NSMAF: variants seen among roughly 807,000 people sequenced by gnomAD.
The protein encoded by NSMAF is protein FAN.
A neutral mutation model predicts 134.9 loss-of-function variants in NSMAF; 90 were observed. The observed-to-expected ratio is 0.67, with a 90% CI of 0.56 to 0.79. The LOEUF is 0.79. Ranked by LOEUF, NSMAF falls within the 30% of genes least tolerant of loss-of-function variation. NSMAF has a pLI of 0.00. For synonymous variants in NSMAF, 358 were observed against 389.6 expected (o/e 0.92, Z 0.96); for missense variants, 1,010 against 1,119.0 (o/e 0.90, Z 1.39).
Position 58,585,698 on chromosome 8 carries a change from C to T in NSMAF, c.2613G>A (p.Trp871Ter), listed in dbSNP as rs1805865535. The change falls in exon 30 of 31, where the codon TGG becomes TGA. Residue 871 changes from tryptophan (W) to a stop codon, truncating the protein, a stop_gained. Transcript: ENST00000038176. LOFTEE classifies it high-confidence loss of function. ...SGSQSGELLVWDLLGAKISER... is the reference protein window; with the variant it reads ...SGSQSGELLV ...CACTGATTTTTGCTCCAAGGAGGTC[C>T]CAAACGAGCAGTTCACCAGACTGAC... The T allele has an allele frequency of 2.5e-6, 4 of 1,613,962 alleles. No homozygotes were observed. The highest frequency in any genetic ancestry group is 3.4e-6 in the Non-Finnish European group (4 of 1,179,980).
chr8:58,628,995 G>A (rs535531462), intron 6 of NSMAF, among the ~76,000 whole-genome samples: 7 of 152,234 alleles, frequency 4.6e-5, no homozygotes, highest in African/African-American at 1.7e-4. Context: ...CTGATAATCT[G>A]ATTATCATGT....
chr8:58,635,606 T>C lies in NSMAF; in HGVS notation c.150-60A>G, dbSNP rs189895424. ...CATAACAAAAATCACAAGATAATCATAGTACATTTTAACTAGAAAGCAGGT... is the reference window on the plus strand; with the variant it reads ...CATAACAAAAATCACAAGATAATCACAGTACATTTTAACTAGAAAGCAGGT... On this transcript the variant is annotated intron_variant, in intron 2 of 30. Transcript: ENST00000038176. 167 of 1,015,978 alleles carry C rather than the reference T, an allele frequency of 1.6e-4. 1 individual carries two copies. In the East Asian group the frequency reaches 3.3e-3, roughly 20 times the overall value. The allele number at this position is 1,015,978 out of a possible 1,614,324, so 62.9% of individuals were successfully genotyped here. A position where few individuals can be genotyped will look rare whatever the true frequency, so the allele number is the denominator to read the frequency against.
At position 58,584,037 on chromosome 8, in the gene NSMAF, C is replaced by T. The variant is rs886329306; in HGVS notation, c.*69G>A. The T allele has an allele frequency of 3.4e-6, 4 of 1,170,806 alleles. No individual in the cohort carries two copies. Among genetic ancestry groups the T allele is most frequent in the African/African-American group, 1.5e-5 (1 of 66,228 alleles). The allele number at this position is 1,170,806 out of a possible 1,614,324, so 72.5% of individuals were successfully genotyped here. ...TACTAACATTGCACATTCACCAGTC[C>T]GTTTAAAAGTTTGGTTTAAAAATGC... On this transcript the variant is annotated 3_prime_UTR_variant, in exon 31 of 31. Transcript: ENST00000038176.
intron 18 of NSMAF, 85 bp from the exon 19 acceptor site, chr8:58,599,448 C>A: frequency 7.1e-7 from 1 of 1,417,182 alleles, no homozygotes; most frequent in Non-Finnish European, 9.6e-7. Flanking sequence ...GTATATAAAG[C>A]TTCTAGGACA....
At chr8:58,619,052 T>C (rs1275789763) in intron 9 of NSMAF, among the ~76,000 whole-genome samples, 2 of 152,156 alleles carry the variant, frequency 1.3e-5, no homozygotes, top group African/African-American at 4.8e-5. Flanking sequence ...AAATGACACA[T>C]TCTAAGTAGG....
rs1287181948 is a variant in NSMAF, at chr8:58,623,398, T to G, written c.483A>C (p.Lys161Asn). ...LQLHRASCLD[K>N]LGDQTAMITA... ...TTACCATGGCGGTTTGGTCACCCAATTTGTCAAGGCAGGATGCTCTGTGAA... is the reference window on the plus strand; with the variant it reads ...TTACCATGGCGGTTTGGTCACCCAAGTTGTCAAGGCAGGATGCTCTGTGAA... The change falls in exon 8 of 31, where the codon AAA becomes AAC. Residue 161 changes from lysine to asparagine, a missense_variant. Coordinates refer to ENST00000038176, the MANE Select transcript of NSMAF (RefSeq NM_003580.4). 1 of 1,614,074 alleles carries G rather than the reference T, an allele frequency of 6.2e-7. No individual in the cohort carries two copies. Among genetic ancestry groups the G allele is most frequent in the Non-Finnish European group, 8.5e-7 (1 of 1,179,964 alleles).
Position 58,585,658 on chromosome 8 carries a change from G to A in NSMAF, c.2653C>T (p.His885Tyr). 6.2e-7 allele frequency: 1 copy of A among 1,609,426 alleles called. No individual in the cohort carries two copies. The highest frequency in any genetic ancestry group is 8.5e-7 in the Non-Finnish European group (1 of 1,175,718). Reference sequence around the variant, plus strand: ...AACTGCAGTAGCTGCTTACCTGTGTGGCCCTGTATTCTCTCACTGATTTTT... The same window carrying A: ...AACTGCAGTAGCTGCTTACCTGTGTAGCCCTGTATTCTCTCACTGATTTTT... ...GAKISERIQGHTGAVTCIWMN... is the reference protein window; with the variant it reads ...GAKISERIQGYTGAVTCIWMN... Residue 885 changes from histidine (H) to tyrosine (Y), a missense_variant, in exon 30 of 31, where the codon CAC (histidine) becomes TAC (tyrosine). By Grantham distance (83) the His-to-Tyr change is moderately conservative. Transcript: ENST00000038176.
At chr8:58,589,413 CA>C (rs748185804) in intron 26 of NSMAF, 38 bp downstream of exon 26, 36 of 1,410,914 alleles carry the variant, frequency 2.6e-5, no homozygotes, top group Non-Finnish European at 3.3e-5. Context: ...TGCCATATAG[CA>C]CACCAAGTTA....
At chr8:58,639,709 TC>T (rs775368108) in intron 2 of NSMAF, among the ~76,000 whole-genome samples, 52 of 152,272 alleles carry the variant, frequency 3.4e-4, no homozygotes, top group Non-Finnish European at 7.2e-4. Context: ...AATCTAAGTG[TC>T]CATTGATAGA....
chr8:58,599,737 A>C lies in NSMAF; in HGVS notation c.1453+13T>G. Reference sequence around the variant, plus strand: ...GCATGTCTATAATACAACACCTCCAAGGGGGGACTCACTGGAAGCCCAAGG... The same window carrying C: ...GCATGTCTATAATACAACACCTCCACGGGGGGACTCACTGGAAGCCCAAGG... On this transcript the variant is annotated intron_variant, in intron 18 of 30. Coordinates refer to ENST00000038176, the MANE Select transcript of NSMAF (RefSeq NM_003580.4). 1 of 1,612,738 alleles carries C rather than the reference A, an allele frequency of 6.2e-7. No individual in the cohort carries two copies. The highest frequency in any genetic ancestry group is 8.5e-7 in the Non-Finnish European group (1 of 1,179,292).
At chr8:58,642,338 C>A (rs751671230) in intron 2 of NSMAF, among the ~76,000 whole-genome samples, 2 of 152,104 alleles carry the variant, frequency 1.3e-5, no homozygotes, top group African/African-American at 4.8e-5. Flanking sequence ...TTCTAAGTTG[C>A]CATTTTAAGC....
chr8:58,623,628 G>C, intron 7 of NSMAF, 81 bp downstream of exon 7: 1 of 1,235,362 alleles, frequency 8.1e-7, no homozygotes, highest in Non-Finnish European at 1.2e-6. Context: ...TGATGATTTG[G>C]GTAAGGTATA....
At position 58,603,340 on chromosome 8, in the gene NSMAF, C is replaced by T; in HGVS notation, c.915G>A (p.Trp305Ter). ...GATAGTTGGAAAGGTGTCCACGCTG[C>T]CACTGCAGCATGTAGCTCTCAGCAG... The part of the protein sequence containing the change: ...EHTAESYMLQ[W>*]QRGHLSNYQY... Residue 305 changes from tryptophan (W) to a stop codon, truncating the protein, a stop_gained, in exon 13 of 31, where the codon TGG becomes TGA. Transcript: ENST00000038176. LOFTEE classifies it high-confidence loss of function. 1 of 1,614,112 alleles carries T rather than the reference C, an allele frequency of 6.2e-7. No homozygotes were observed. The highest frequency in any genetic ancestry group is 2.2e-5 in the East Asian group (1 of 44,886).
intron 9 of NSMAF, 36 bp from the exon 10 acceptor site, chr8:58,609,769 C>T (rs1292254260): frequency 1.9e-6 from 3 of 1,607,772 alleles, no homozygotes; most frequent in Non-Finnish European, 2.5e-6. Flanking sequence ...TAAGAAAAAT[C>T]AGAAATTGAT....
intron 6 of NSMAF, among the ~76,000 whole-genome samples, chr8:58,626,157 G>A (rs1361633459): frequency 2.1e-5 from 3 of 143,806 alleles, no homozygotes; most frequent in Non-Finnish European, 3.0e-5. Context: ...GGAGTGCAGT[G>A]GCGCGATCTT....
intron 9 of NSMAF, among the ~76,000 whole-genome samples, chr8:58,614,139 G>A (rs1806601036): frequency 6.6e-6 from 1 of 152,136 alleles, no homozygotes. Flanking sequence ...AACATATGAG[G>A]CGGGAAATTA....
intron 1 of NSMAF, among the ~76,000 whole-genome samples, chr8:58,658,739 T>C (rs898437918): frequency 3.3e-5 from 5 of 152,182 alleles, no homozygotes; most frequent in Admixed American, 2.6e-4. Flanking sequence ...CTGGGAACTA[T>C]ACATAGAGCC....
At chr8:58,618,384 T>A (rs1806711981) in intron 9 of NSMAF, among the ~76,000 whole-genome samples, 1 of 151,932 alleles carries the variant, frequency 6.6e-6, no homozygotes. Flanking sequence ...AATGATTTTA[T>A]ATTTTATTAT....
At chr8:58,658,674 C>T (rs1191746624) in intron 1 of NSMAF, among the ~76,000 whole-genome samples, 1 of 152,210 alleles carries the variant, frequency 6.6e-6, no homozygotes, top group Admixed American at 6.5e-5. Context: ...GCCCCCCTTT[C>T]CTTTTGGCAT....
Sources: allele counts gnomAD v4.1 joint callset (sites outside exome capture counted in the v4.1 genomes callset), GRCh38; gene constraint gnomAD v4.1.1; transcripts MANE v1.5; gene names NCBI Gene and HGNC (gene_info 2026-07-23, HGNC 2026-07-21).